APBB2: variants seen among roughly 807,000 people sequenced by gnomAD.
APBB2 encodes the protein amyloid beta precursor protein binding family B member 2.
APBB2 carries 38 observed loss-of-function variants against 82.5 expected under a neutral mutation model. That is an observed-to-expected ratio of 0.46 (90% CI 0.36 to 0.60). APBB2 has a LOEUF of 0.60. APBB2 is among the 20% of genes least tolerant of loss of function. APBB2 has a pLI of 0.00. For synonymous variants in APBB2, 341 were observed against 368.2 expected (o/e 0.93, Z 0.85); for missense variants, 772 against 972.3 (o/e 0.79, Z 2.74).
chr4:40,858,978 T>G (rs920343207), intron 12 of APBB2, among the ~76,000 whole-genome samples: 10 of 152,228 alleles, frequency 6.6e-5, no homozygotes, highest in Non-Finnish European at 1.3e-4. Context: ...AGCTCAGAGA[T>G]ATGAAACAAG....
At chr4:41,119,618 C>A (rs1227142022) in intron 2 of APBB2, among the ~76,000 whole-genome samples, 1 of 151,426 alleles carries the variant, frequency 6.6e-6, no homozygotes, top group African/African-American at 2.4e-5. Flanking sequence ...CCCAGAACTT[C>A]AAGCGTCTGT....
rs150457618 is a variant in APBB2, at chr4:40,874,471, T to C, written c.1529+15893A>G. Among the ~76,000 whole-genome samples the C allele has an allele frequency of 5.5e-3, 840 of 151,404 alleles. 11 individuals carry two copies. The highest frequency in any genetic ancestry group is 0.019 in the African/African-American group (795 of 41,180). On this transcript the variant is annotated intron_variant, in intron 12 of 17. Coordinates refer to ENST00000508593, the MANE Select transcript of APBB2 (RefSeq NM_004307.2). ...CTGAATGCAATGGAAGTGCTGTTCG[T>C]AAGAACACAACACTTTTCAGAGAAG... is the stretch of plus-strand genomic sequence containing the variant.
At chr4:40,982,042 G>A (rs1314564471) in intron 6 of APBB2, among the ~76,000 whole-genome samples, 1 of 150,896 alleles carries the variant, frequency 6.6e-6, no homozygotes, top group Non-Finnish European at 1.5e-5. Context: ...AAAATTAGTT[G>A]GGCGTGGTAG....
At position 40,812,021 on chromosome 4, in the gene APBB2, C is replaced by G. The variant is rs1161067606; in HGVS notation, c.*4071G>C. Reference sequence around the variant, plus strand: ...ATCACAATCCTAGCAAGACCGCTTACAAAAGACTCGAGTTGGTGACTAAAT... The same window carrying G: ...ATCACAATCCTAGCAAGACCGCTTAGAAAAGACTCGAGTTGGTGACTAAAT... On this transcript the variant is annotated 3_prime_UTR_variant, in exon 18 of 18. Coordinates refer to ENST00000508593, the MANE Select transcript of APBB2 (RefSeq NM_004307.2). The G allele has an allele frequency of 3.3e-5, 5 of 152,172 alleles. No homozygotes were observed. The highest frequency in any genetic ancestry group is 4.4e-5 in the Non-Finnish European group (3 of 68,028). 9.4% of individuals were successfully genotyped at this position (152,172 alleles called of 1,614,324 possible).
chr4:41,065,321 T>C (rs1395613002), intron 4 of APBB2, among the ~76,000 whole-genome samples: 1 of 152,034 alleles, frequency 6.6e-6, no homozygotes, highest in Non-Finnish European at 1.5e-5. Context: ...AAAGAATGGA[T>C]GCACAGAAAC....
chr4:41,162,274 T>C (rs1038179596), intron 1 of APBB2, among the ~76,000 whole-genome samples: 7 of 149,582 alleles, frequency 4.7e-5, no homozygotes, highest in Admixed American at 4.0e-4. Flanking sequence ...AGTCTACACA[T>C]AGCAACTGGT....
At chr4:41,170,561 G>A (rs1363291848) in intron 1 of APBB2, among the ~76,000 whole-genome samples, 1 of 152,134 alleles carries the variant, frequency 6.6e-6, no homozygotes, top group Admixed American at 6.6e-5. Flanking sequence ...ATACAAAATA[G>A]CTGCCCAGTA....
rs566771141 is a variant in APBB2 at position 41,168,576 on chromosome 4, A to G, written c.-416-25434T>C. ...TGTTTTCCTAGTAATTCGTTTTCCTAGAAATTCATTTGTATTTTACAAAAG... is the reference window on the plus strand; with the variant it reads ...TGTTTTCCTAGTAATTCGTTTTCCTGGAAATTCATTTGTATTTTACAAAAG... On this transcript the variant is annotated intron_variant, in intron 1 of 17. Coordinates refer to ENST00000508593, the MANE Select transcript of APBB2 (RefSeq NM_004307.2). Among the ~76,000 whole-genome samples the G allele has an allele frequency of 5.1e-4, 77 of 152,220 alleles. 1 individual carries two copies. The highest frequency in any genetic ancestry group is 1.8e-3 in the African/African-American group (76 of 41,544).
rs528417192 is a variant in APBB2 at position 41,047,221 on chromosome 4, C to T, written c.-50-13917G>A. The stretch of plus-strand genomic sequence containing the variant: ...TGTTCTACTCCAACTGTAAGGTACT[C>T]GATACTCCATTTCTGTTCTCCTATA... On this transcript the variant is annotated intron_variant, in intron 4 of 17. Coordinates refer to ENST00000508593, the MANE Select transcript of APBB2 (RefSeq NM_004307.2). Among the ~76,000 whole-genome samples the T allele has an allele frequency of 5.9e-5, 9 of 152,278 alleles. No individual in the cohort carries two copies. The South Asian group carries it at 8.3e-4, about 14-fold the overall frequency.
At chr4:41,066,837 G>A (rs55932509) in intron 3 of APBB2, among the ~76,000 whole-genome samples, 15,621 of 152,170 alleles carry the variant, frequency 0.1, 1,027 homozygotes, top group Non-Finnish European at 0.14. Flanking sequence ...CCACTGATGG[G>A]TCAGATCTGG....
intron 7 of APBB2, among the ~76,000 whole-genome samples, chr4:40,940,631 T>C (rs557950928): frequency 3.9e-4 from 60 of 152,310 alleles, no homozygotes; most frequent in Non-Finnish European, 5.9e-4. Flanking sequence ...GGTTAGGCTC[T>C]CATGACGCCC....
At chr4:40,819,907 G>A (rs1747216615) in intron 17 of APBB2, among the ~76,000 whole-genome samples, 1 of 152,100 alleles carries the variant, frequency 6.6e-6, no homozygotes. Flanking sequence ...GACCTCCTGG[G>A]TTTGAGCCAT....
chr4:41,006,636 T>C (rs1454783064), intron 6 of APBB2, among the ~76,000 whole-genome samples: 1 of 152,102 alleles, frequency 6.6e-6, no homozygotes, highest in Non-Finnish European at 1.5e-5. Context: ...GCTAATTGTT[T>C]TGTATTTTTA....
intron 1 of APBB2, among the ~76,000 whole-genome samples, chr4:41,182,128 C>A (rs1466710500): frequency 6.6e-6 from 1 of 152,122 alleles, no homozygotes; most frequent in Non-Finnish European, 1.5e-5. Context: ...CCTAGTGACT[C>A]CGCATCTCCA....
intron 10 of APBB2, among the ~76,000 whole-genome samples, chr4:40,910,123 T>G (rs78015748): frequency 1.9e-5 from 1 of 52,466 alleles, no homozygotes; most frequent in Non-Finnish European, 3.7e-5. Context: ...CCTGGCTAAT[T>G]TTTTTTTTTT....
At chr4:40,820,178 C>T (rs1276189777) in intron 17 of APBB2, among the ~76,000 whole-genome samples, 1 of 152,220 alleles carries the variant, frequency 6.6e-6, no homozygotes, top group African/African-American at 2.4e-5. Context: ...AGTTCTCCCC[C>T]AGCCAGGCAG....
chr4:41,037,764 A>G (rs142879018), intron 4 of APBB2, among the ~76,000 whole-genome samples: 1 of 152,214 alleles, frequency 6.6e-6, no homozygotes, highest in East Asian at 1.9e-4. Flanking sequence ...TCATACCTGT[A>G]ACCCCAGCAC....
At position 41,111,448 on chromosome 4, in the gene APBB2, T is replaced by C. The variant is rs528823761; in HGVS notation, c.-260-10698A>G. 1.2e-4 allele frequency among the ~76,000 whole-genome samples: 19 copies of C among 152,352 alleles called. No individual in the cohort carries two copies. The South Asian group carries it at 3.9e-3, about 32-fold the overall frequency. On this transcript the variant is annotated intron_variant, in intron 2 of 17. Transcript: ENST00000508593. ...ATGCTGCTGATCCACAGAACATTCTTTGGAGTAGCAAAAAGTTCTAGACAG... is the reference window on the plus strand; with the variant it reads ...ATGCTGCTGATCCACAGAACATTCTCTGGAGTAGCAAAAAGTTCTAGACAG...
chr4:41,053,406 T>C (rs1726773812), intron 4 of APBB2, among the ~76,000 whole-genome samples: 1 of 152,058 alleles, frequency 6.6e-6, no homozygotes, highest in Non-Finnish European at 1.5e-5. Context: ...TTAAATTATT[T>C]CTCCCTACCC....
Sources: allele counts gnomAD v4.1 joint callset (sites outside exome capture counted in the v4.1 genomes callset), GRCh38; gene constraint gnomAD v4.1.1; transcripts MANE v1.5; gene names NCBI Gene and HGNC (gene_info 2026-07-23, HGNC 2026-07-21).